Variants in DMRT1 observed in about 807,000 individuals in gnomAD.
The protein encoded by DMRT1 is doublesex and mab-3 related transcription factor 1.
In DMRT1, 7 loss-of-function variants were observed where a neutral mutation model predicts 32.3. The observed-to-expected ratio is 0.22, with a 90% CI of 0.12 to 0.41. The LOEUF is 0.41. Ranked by LOEUF, DMRT1 falls within the 10% of genes least tolerant of loss-of-function variation. The pLI is 1.00. For missense variants in DMRT1, 625 were observed against 500.5 expected (o/e 1.25, Z -2.37); for synonymous variants, 278 against 206.1 (o/e 1.35, Z -2.99).
At chr9:922,047 A>T (rs1035437429) in intron 4 of DMRT1, among the ~76,000 whole-genome samples, 3 of 150,060 alleles carry the variant, frequency 2.0e-5, no homozygotes, top group Non-Finnish European at 3.0e-5. Context: ...CGCCCAGCTA[A>T]TTTTTTTTTT....
rs77019964 is a variant in DMRT1, at chr9:953,939, A to G, written c.968-14046A>G. On this transcript the variant is annotated intron_variant, in intron 4 of 4. Coordinates refer to ENST00000382276, the MANE Select transcript of DMRT1 (RefSeq NM_021951.3). ...TCTGTAGGGGAGTCATTAGATCCAT[A>G]ATGAGAGTGAAAGTGATAGTGGCAC... Among the ~76,000 whole-genome samples, 1,387 of 152,232 alleles carry G rather than the reference A, an allele frequency of 9.1e-3. 21 individuals carry two copies. Among genetic ancestry groups the G allele is most frequent in the African/African-American group, 0.032 (1,324 of 41,540 alleles).
At chr9:948,754 T>C (rs1819330713) in intron 4 of DMRT1, among the ~76,000 whole-genome samples, 1 of 151,908 alleles carries the variant, frequency 6.6e-6, no homozygotes, top group South Asian at 2.1e-4. Context: ...CCTTAAAGTC[T>C]CTCCCTTTAA....
chr9:960,848 G>A (rs1313803756), intron 4 of DMRT1, among the ~76,000 whole-genome samples: 1 of 152,234 alleles, frequency 6.6e-6, no homozygotes, highest in Non-Finnish European at 1.5e-5. Flanking sequence ...AGTAGGGTGG[G>A]GTGGGGCAGG....
At position 968,181 on chromosome 9, in the gene DMRT1, C is replaced by T. The variant is rs561074025; in HGVS notation, c.*42C>T. 1.9e-6 allele frequency: 3 copies of T among 1,608,074 alleles called. No homozygotes were observed. Among genetic ancestry groups the T allele is most frequent in the Non-Finnish European group, 1.7e-6 (2 of 1,176,190 alleles). ...ATGGCGGTTCACTTGGAGTAACAGG[C>T]TTATTCCACTTTCCATGGGGTTTGT... On this transcript the variant is annotated 3_prime_UTR_variant, in exon 5 of 5. Coordinates refer to ENST00000382276, the MANE Select transcript of DMRT1 (RefSeq NM_021951.3).
In DMRT1 at chr9:938,309, A is replaced by G. The variant is rs566643571; in HGVS notation, c.967+21402A>G. 7.9e-5 allele frequency among the ~76,000 whole-genome samples: 12 copies of G among 152,302 alleles called. No individual in the cohort carries two copies. The East Asian group carries it at 2.1e-3, about 27-fold the overall frequency. On this transcript the variant is annotated intron_variant, in intron 4 of 4. Transcript: ENST00000382276. ...CAATGGGTTTTTCTATTTATGCAAA[A>G]AACAGATTTTGAGATTTTGATGGAA...
intron 4 of DMRT1, among the ~76,000 whole-genome samples, chr9:918,507 A>T (rs975156653): frequency 6.6e-6 from 1 of 152,184 alleles, no homozygotes; most frequent in Non-Finnish European, 1.5e-5. Context: ...ACTCAGAAGG[A>T]AAGAGGTTAC....
chr9:954,384 T>TAC (rs1819526384), intron 4 of DMRT1, among the ~76,000 whole-genome samples: 3 of 151,434 alleles, frequency 2.0e-5, no homozygotes, highest in Admixed American at 2.0e-4. Context: ...GATGAGGCTG[T>TAC]GGTAGGATAG....
chr9:923,884 A>C (rs4562388), intron 4 of DMRT1, among the ~76,000 whole-genome samples: 106,544 of 151,632 alleles, frequency 0.7, 38,170 homozygotes, highest in South Asian at 0.89. Context: ...AAGAAAAGAG[A>C]ACTTTGTAGG....
intron 2 of DMRT1, among the ~76,000 whole-genome samples, chr9:886,641 G>A (rs1816941879): frequency 1.3e-5 from 2 of 151,926 alleles, no homozygotes; most frequent in Non-Finnish European, 2.9e-5. Flanking sequence ...TTAATTGTAT[G>A]TGGAAAACCA....
At chr9:851,046 G>GAGA (rs1554741869) in intron 2 of DMRT1, among the ~76,000 whole-genome samples, 2 of 126,790 alleles carry the variant, frequency 1.6e-5, no homozygotes, top group East Asian at 3.3e-4. Context: ...AAAAAAAAAA[G>GAGA]AAAGAAAAAT....
chr9:858,829 G>T (rs999401500), intron 2 of DMRT1, among the ~76,000 whole-genome samples: 1 of 145,822 alleles, frequency 6.9e-6, no homozygotes, highest in South Asian at 2.2e-4. Context: ...AGCTGAGATC[G>T]CGCCATTGCA....
chr9:843,538 G>A (rs1351872338), intron 1 of DMRT1, among the ~76,000 whole-genome samples: 2 of 152,214 alleles, frequency 1.3e-5, no homozygotes, highest in Non-Finnish European at 2.9e-5. Flanking sequence ...GTCCGTCTGT[G>A]GTTTTGTTTT....
intron 2 of DMRT1, among the ~76,000 whole-genome samples, chr9:857,795 G>A (rs1280917499): frequency 9.2e-6 from 1 of 108,370 alleles, no homozygotes. Flanking sequence ...CCCCACAACA[G>A]GCCCTGGTGT....
chr9:953,569 C>A (rs1819500173), intron 4 of DMRT1, among the ~76,000 whole-genome samples: 1 of 151,838 alleles, frequency 6.6e-6, no homozygotes, highest in Non-Finnish European at 1.5e-5. Context: ...GGAAGCTGAC[C>A]CATTCTTGAG....
chr9:852,014 A>ACT (rs1815162668), intron 2 of DMRT1, among the ~76,000 whole-genome samples: 1 of 150,098 alleles, frequency 6.7e-6, no homozygotes, highest in Admixed American at 6.7e-5. Context: ...ATCCCAGCTC[A>ACT]CTGCAACCTC....
chr9:856,896 A>G (rs192176752), intron 2 of DMRT1, among the ~76,000 whole-genome samples: 23 of 152,348 alleles, frequency 1.5e-4, no homozygotes, highest in Admixed American at 1.3e-3. Flanking sequence ...AGTTTTTTTA[A>G]GTTACAAGGG....
intron 2 of DMRT1, among the ~76,000 whole-genome samples, chr9:874,551 G>C (rs1452955476): frequency 6.6e-6 from 1 of 152,110 alleles, no homozygotes; most frequent in East Asian, 1.9e-4. Context: ...TCTTGTTAAT[G>C]ATGGCAACTG....
chr9:929,053 G>T (rs1586630412), intron 4 of DMRT1, among the ~76,000 whole-genome samples: 1 of 151,928 alleles, frequency 6.6e-6, no homozygotes, highest in Admixed American at 6.6e-5. Context: ...TGGCCAGGCT[G>T]GTCTCAAACT....
At chr9:904,877 G>A (rs1817711838) in intron 3 of DMRT1, among the ~76,000 whole-genome samples, 1 of 151,916 alleles carries the variant, frequency 6.6e-6, no homozygotes, top group Non-Finnish European at 1.5e-5. Flanking sequence ...GGGAGGCGTA[G>A]GTTGCGGTGA....
Sources: gnomAD v4.1 joint callset for allele counts (sites outside exome capture counted in the v4.1 genomes callset) on GRCh38, gnomAD v4.1.1 for gene constraint, MANE v1.5 for transcripts, NCBI Gene and HGNC (gene_info 2026-07-23, HGNC 2026-07-21) for gene names.